LYZL6: variants seen among roughly 807,000 people sequenced by gnomAD.
LYZL6 encodes the protein lysozyme-like protein 6.
Under a neutral mutation model 15.0 loss-of-function variants are expected in LYZL6, and 21 were observed. That is an observed-to-expected ratio of 1.40 (90% confidence interval 1.00 to 2.02). LYZL6 has a LOEUF of 2.02. Among genes scored for constraint, LYZL6 ranks in the 30% most tolerant of loss-of-function variants. The pLI, the probability that LYZL6 is intolerant of heterozygous loss-of-function variation, is 0.00. For missense variants in LYZL6, 173 were observed against 180.5 expected, an observed-to-expected ratio of 0.96 and a Z score of 0.24; for synonymous variants, 72 against 67.8, an observed-to-expected ratio of 1.06 and a Z score of -0.31.
intron 4 of LYZL6, 40 bp downstream of exon 4, chr17:35,936,715 G>T (rs577071109): frequency 1.3e-6 from 2 of 1,576,520 alleles, no homozygotes; most frequent in East Asian, 4.5e-5. Flanking sequence ...GTCCTCCTTC[G>T]TGGGGCTCTG....
At chr17:35,938,212 C>G (rs1598707280) in intron 2 of LYZL6, among the ~76,000 whole-genome samples, 1 of 152,198 alleles carries the variant, frequency 6.6e-6, no homozygotes, top group African/African-American at 2.4e-5. Flanking sequence ...TTGGGTCAAA[C>G]ACAGATGCTG....
chr17:35,938,809 C>T (rs1391997225), intron 2 of LYZL6, among the ~76,000 whole-genome samples: 1 of 152,184 alleles, frequency 6.6e-6, no homozygotes, highest in Non-Finnish European at 1.5e-5. Context: ...CCAGGTCCTT[C>T]ATTTAATTCA....
At chr17:35,940,629 A>C (rs1009647223) in intron 1 of LYZL6, among the ~76,000 whole-genome samples, 11 of 152,306 alleles carry the variant, frequency 7.2e-5, no homozygotes, top group Middle Eastern at 6.8e-3. Context: ...TATTTTCATC[A>C]ATCCAAAACA....
intron 4 of LYZL6, 95 bp downstream of exon 4, chr17:35,936,655 CTGCAA>C (rs2089375538): frequency 1.1e-6 from 1 of 951,196 alleles, no homozygotes; most frequent in Admixed American, 1.8e-5. Context: ...TTTCTAGACA[CTGCAA>C]GGGCGTGCCC....
intron 2 of LYZL6, 136 bp downstream of exon 2, chr17:35,939,082 G>A (rs1193416248): frequency 1.1e-5 from 11 of 962,554 alleles, no homozygotes; most frequent in East Asian, 4.8e-5. Context: ...TGAATACAGC[G>A]TGTTGGGAAA....
chr17:35,936,864 G>A, intron 3 of LYZL6, 31 bp from the exon 4 acceptor site: 1 of 1,592,074 alleles, frequency 6.3e-7, no homozygotes, highest in Non-Finnish European at 8.6e-7. Flanking sequence ...ACCTGTGAGG[G>A]CACAGAAGAC....
At chr17:35,942,041 TCG>T (rs201776488) in intron 1 of LYZL6, among the ~76,000 whole-genome samples, 17,450 of 152,260 alleles carry the variant, frequency 0.11, 1,102 homozygotes, top group East Asian at 0.26. Context: ...GGAGGACACA[TCG>T]CTTATGCAAT....
Position 35,940,507 on chromosome 17 carries a change from T to C in LYZL6, c.-202-949A>G, listed in dbSNP as rs2089417420. 9.8e-5 allele frequency among the ~76,000 whole-genome samples: 15 copies of C among 152,368 alleles called. No individual in the cohort carries two copies. In the South Asian group the frequency reaches 3.1e-3, roughly 32 times the overall value. On this transcript the variant is annotated intron_variant, in intron 1 of 4. Transcript: ENST00000615905. ...GAAACGATGTTTTTTGGTAACAGCA[T>C]TATTGAGATATAATTCATGTATCAT... is the stretch of plus-strand genomic sequence containing the variant.
In LYZL6 at chr17:35,934,881, A is replaced by T; in HGVS notation, c.378-16T>A. On this transcript the variant is annotated splice_polypyrimidine_tract_variant and intron_variant, in intron 4 of 4. Transcript: ENST00000615905. ...CCATTCTACCCTGCGGAGAAAAAAG[A>T]CATGGTTCTTGCCTCACACTCAGTA... 6.2e-7 allele frequency: 1 copy of T among 1,613,840 alleles called. No individual in the cohort carries two copies. The highest frequency in any genetic ancestry group is 1.3e-5 in the African/African-American group (1 of 75,032).
intron 1 of LYZL6, among the ~76,000 whole-genome samples, chr17:35,940,409 G>C (rs1262209202): frequency 1.3e-5 from 2 of 152,132 alleles, no homozygotes; most frequent in African/African-American, 4.8e-5. Context: ...TTTAAAAAGT[G>C]CTCGAAATAT....
At chr17:35,940,467 C>T (rs145755175) in intron 1 of LYZL6, among the ~76,000 whole-genome samples, 10 of 152,146 alleles carry the variant, frequency 6.6e-5, no homozygotes, top group African/African-American at 1.2e-4. Flanking sequence ...AAAGGGGCAC[C>T]GACTGGCCAG....
At chr17:35,939,618 A>G (rs1349203239) in intron 1 of LYZL6, 60 bp from the exon 2 acceptor site, 1 of 301,134 alleles carries the variant, frequency 3.3e-6, no homozygotes, top group Non-Finnish European at 6.0e-6. Flanking sequence ...CTGAGCTTCA[A>G]CATTCAAAAA....
intron 3 of LYZL6, among the ~76,000 whole-genome samples, chr17:35,937,398 G>A (rs990688961): frequency 1.4e-4 from 21 of 152,328 alleles, no homozygotes; most frequent in African/African-American, 5.1e-4. Context: ...GCCTCAGTTT[G>A]CTGTTTTGTA....
chr17:35,941,380 C>T (rs11080364), intron 1 of LYZL6, among the ~76,000 whole-genome samples: 1 of 151,882 alleles, frequency 6.6e-6, no homozygotes, highest in Admixed American at 6.6e-5. Context: ...TTTATATATT[C>T]TGTATACTAG....
chr17:35,940,766 A>C (rs2089419385), intron 1 of LYZL6, among the ~76,000 whole-genome samples: 1 of 152,228 alleles, frequency 6.6e-6, no homozygotes, highest in African/African-American at 2.4e-5. Flanking sequence ...AGTTACAGAA[A>C]ATATGGCATT....
In LYZL6 at chr17:35,936,704, C is replaced by T. The variant is rs894172211; in HGVS notation, c.377+51G>A. ...TTGCCTACTGCCCTTTTCTCTGTCA[C>T]GTCCTCCTTCGTGGGGCTCTGCCCG... On this transcript the variant is annotated intron_variant, in intron 4 of 4. Coordinates refer to ENST00000615905, the MANE Select transcript of LYZL6 (RefSeq NM_020426.4). 2 of 1,527,920 alleles carry T rather than the reference C, an allele frequency of 1.3e-6. 1 individual carries two copies. The highest frequency in any genetic ancestry group is 2.2e-5 in the South Asian group (2 of 89,284). 94.6% of individuals were successfully genotyped at this position (1,527,920 alleles called of 1,614,324 possible).
At chr17:35,937,723 C>A in intron 3 of LYZL6, 35 bp downstream of exon 3, 1 of 1,591,002 alleles carries the variant, frequency 6.3e-7, no homozygotes, top group East Asian at 2.2e-5. Context: ...CTGGTTGCTG[C>A]TCTCATCTCT....
intron 2 of LYZL6, among the ~76,000 whole-genome samples, chr17:35,938,430 T>C (rs1445604081): frequency 6.6e-6 from 1 of 151,834 alleles, no homozygotes; most frequent in East Asian, 1.9e-4. Context: ...CCATCCTGGC[T>C]AACACGGTGA....
rs112636586 is a variant in LYZL6, at chr17:35,936,877, C to T, written c.299-44G>A. On this transcript the variant is annotated intron_variant, in intron 3 of 4. Coordinates refer to ENST00000615905, the MANE Select transcript of LYZL6 (RefSeq NM_020426.4). Reference sequence around the variant, plus strand: ...AAACCTGTGAGGGCACAGAAGACAGCCCCAAAGATGGAGGCAGACACCAGC... The same window carrying T: ...AAACCTGTGAGGGCACAGAAGACAGTCCCAAAGATGGAGGCAGACACCAGC... 5.6e-3 allele frequency: 8,673 copies of T among 1,554,288 alleles called. 401 individuals are homozygous for T. The African/African-American group carries it at 0.1, about 18-fold the overall frequency.
Sources: gnomAD v4.1 joint callset for allele counts (sites outside exome capture counted in the v4.1 genomes callset) on GRCh38, gnomAD v4.1.1 for gene constraint, MANE v1.5 for transcripts, NCBI Gene and HGNC (gene_info 2026-07-23, HGNC 2026-07-21) for gene names.